LDB3: variants seen among roughly 807,000 people sequenced by gnomAD.
LDB3 encodes LIM domain binding 3.
LDB3 carries 49 observed loss-of-function variants against 69.0 expected under a neutral mutation model. The observed-to-expected ratio is 0.71, with a 90% CI of 0.56 to 0.90. The LOEUF (loss-of-function observed/expected upper bound fraction) is 0.90, where lower values mean the gene tolerates loss of function less well. Ranked by LOEUF, LDB3 falls within the 40% of genes least tolerant of loss-of-function variation. The pLI is 0.00. For missense variants in LDB3, 928 were observed against 974.1 expected, an observed-to-expected ratio of 0.95 and a Z score of 0.63; for synonymous variants, 387 against 396.2, an observed-to-expected ratio of 0.98 and a Z score of 0.28.
intron 5 of LDB3, among the ~76,000 whole-genome samples, chr10:86,686,401 G>A (rs936402737): frequency 2.0e-5 from 3 of 151,944 alleles, no homozygotes; most frequent in East Asian, 1.9e-4. Flanking sequence ...CCATGCCTGC[G>A]CTTCCCCTGC....
At chr10:86,672,569 G>T (rs1394198382) in intron 2 of LDB3, among the ~76,000 whole-genome samples, 1 of 152,206 alleles carries the variant, frequency 6.6e-6, no homozygotes, top group Non-Finnish European at 1.5e-5. Flanking sequence ...GTTTATAGCC[G>T]CACTGAAGGT....
intron 12 of LDB3, among the ~76,000 whole-genome samples, chr10:86,723,165 G>A (rs957689151): frequency 1.3e-5 from 2 of 150,416 alleles, no homozygotes; most frequent in African/African-American, 4.9e-5. Context: ...AGCTGCTCAG[G>A]AGCCTGAGGT....
intron 2 of LDB3, among the ~76,000 whole-genome samples, chr10:86,669,785 G>A (rs1045722689): frequency 2.6e-5 from 4 of 152,244 alleles, no homozygotes; most frequent in Admixed American, 2.6e-4. Flanking sequence ...AAGGCCAGAG[G>A]GGGAGGCCCC....
At chr10:86,690,398 C>CAGCT (rs1412046146) in intron 5 of LDB3, among the ~76,000 whole-genome samples, 1 of 152,250 alleles carries the variant, frequency 6.6e-6, no homozygotes, top group African/African-American at 2.4e-5. Flanking sequence ...GCTCCCTGGG[C>CAGCT]AGCTGCAGGC....
intron 5 of LDB3, among the ~76,000 whole-genome samples, chr10:86,689,337 G>T (rs1434148711): frequency 6.6e-6 from 1 of 152,152 alleles, no homozygotes; most frequent in Non-Finnish European, 1.5e-5. Flanking sequence ...TGGTGTGTGT[G>T]GGTTTGGTGG....
At chr10:86,683,962 C>T (rs969074367) in intron 5 of LDB3, among the ~76,000 whole-genome samples, 2 of 152,208 alleles carry the variant, frequency 1.3e-5, no homozygotes, top group Non-Finnish European at 1.5e-5. Flanking sequence ...GTAATTTGCC[C>T]GGAGTCACAG....
At chr10:86,690,169 A>G (rs1042160517) in intron 5 of LDB3, among the ~76,000 whole-genome samples, 2 of 152,176 alleles carry the variant, frequency 1.3e-5, no homozygotes, top group African/African-American at 4.8e-5. Flanking sequence ...AAAGCTCTGT[A>G]GAGAGGCTCA....
chr10:86,694,379 G>T (rs113158728), intron 7 of LDB3, among the ~76,000 whole-genome samples: 21 of 152,246 alleles, frequency 1.4e-4, no homozygotes, highest in African/African-American at 4.8e-4. Flanking sequence ...TCAGCAAAAG[G>T]CAGCTTTCGG....
chr10:86,692,624 C>T (rs1589645339), intron 7 of LDB3, 53 bp downstream of exon 7: 6 of 1,526,858 alleles, frequency 3.9e-6, no homozygotes, highest in Non-Finnish European at 5.5e-6. Flanking sequence ...CCGTCCCTCC[C>T]CGGGCAGCCC....
intron 5 of LDB3, among the ~76,000 whole-genome samples, chr10:86,690,906 C>G (rs1484927706): frequency 6.6e-6 from 1 of 152,234 alleles, no homozygotes; most frequent in Non-Finnish European, 1.5e-5. Flanking sequence ...TGGCTGGCCT[C>G]TCTGGACCTC....
intron 5 of LDB3, among the ~76,000 whole-genome samples, chr10:86,689,803 G>A (rs146403610): frequency 2.0e-5 from 3 of 152,178 alleles, no homozygotes; most frequent in African/African-American, 7.2e-5. Context: ...CAAATGCAGC[G>A]GTGACCTGAT....
intron 7 of LDB3, among the ~76,000 whole-genome samples, chr10:86,703,621 C>T (rs1223280874): frequency 1.3e-5 from 2 of 152,360 alleles, no homozygotes; most frequent in East Asian, 1.9e-4. Context: ...TCCATTCTTC[C>T]GTGACCCTGT....
intron 11 of LDB3, 142 bp from the exon 12 acceptor site, chr10:86,718,585 C>T: frequency 8.6e-7 from 1 of 1,162,864 alleles, no homozygotes; most frequent in Non-Finnish European, 1.3e-6. Flanking sequence ...CTGGGTCTTT[C>T]TTCAGAGTGA....
intron 7 of LDB3, among the ~76,000 whole-genome samples, chr10:86,697,523 CTTCTTTTTT>C (rs753157993): frequency 2.9e-4 from 42 of 146,232 alleles, no homozygotes; most frequent in Non-Finnish European, 5.1e-4. Flanking sequence ...GCCCGGCCAA[CTTCTTTTTT>C]TTCTTTTTCT....
chr10:86,727,350 A>AT (rs11295601), intron 13 of LDB3, among the ~76,000 whole-genome samples: 38 of 150,134 alleles, frequency 2.5e-4, no homozygotes, highest in Middle Eastern at 3.4e-3. Flanking sequence ...CACCTCTACT[A>AT]TTTTTTTTTT....
chr10:86,724,410 C>T (rs1847185624), intron 12 of LDB3, among the ~76,000 whole-genome samples: 1 of 151,934 alleles, frequency 6.6e-6, no homozygotes, highest in Non-Finnish European at 1.5e-5. Flanking sequence ...CGAGACCATC[C>T]TGGCCAACAT....
At chr10:86,678,340 C>CTT (rs59059288) in intron 2 of LDB3, among the ~76,000 whole-genome samples, 2,354 of 116,040 alleles carry the variant, frequency 0.02, 68 homozygotes, top group African/African-American at 0.059. Flanking sequence ...CCTGGCCACC[C>CTT]TTTTTTTTTT....
At chr10:86,703,579 G>T (rs896465909) in intron 7 of LDB3, among the ~76,000 whole-genome samples, 2 of 152,202 alleles carry the variant, frequency 1.3e-5, no homozygotes, top group Admixed American at 6.5e-5. Context: ...TCCCATGGGG[G>T]CAGTCAACCT....
rs111941389 is a variant in LDB3, at chr10:86,716,407, A to G, written c.1312A>G (p.Thr438Ala). 3.4e-5 allele frequency: 30 copies of G among 894,838 alleles called. No homozygotes were observed. The African/African-American group carries it at 8.9e-4, about 26-fold the overall frequency. The allele number at this position is 894,838 out of a possible 1,614,324, so 55.4% of individuals were successfully genotyped here. ...PYTPSPAPAYTPSPAPAYTPS... is the reference protein window; with the variant it reads ...PYTPSPAPAYAPSPAPAYTPS... Reference sequence around the variant, plus strand: ...CACCCCCTCCCCTGCCCCTGCCTACACCCCCTCCCCTGCCCCTGCCTACAC... The same window carrying G: ...CACCCCCTCCCCTGCCCCTGCCTACGCCCCCTCCCCTGCCCCTGCCTACAC... Residue 438 changes from threonine (T) to alanine (A), a missense_variant, in exon 10 of 14, where the codon ACC (threonine) becomes GCC (alanine). By Grantham distance (58) the Thr-to-Ala change is moderately conservative. Coordinates refer to ENST00000361373, the MANE Select transcript of LDB3 (RefSeq NM_007078.3).
Sources: gnomAD v4.1 joint callset for allele counts (sites outside exome capture counted in the v4.1 genomes callset) on GRCh38, gnomAD v4.1.1 for gene constraint, MANE v1.5 for transcripts, NCBI Gene and HGNC (gene_info 2026-07-23, HGNC 2026-07-21) for gene names.